Variants in COL22A1 observed in about 807,000 individuals in gnomAD.
COL22A1 encodes collagen type XXII alpha 1 chain, also known as collagen alpha-1(XXII) chain.
COL22A1 carries 221 observed loss-of-function variants against 248.9 expected under a neutral mutation model. That is an observed-to-expected ratio of 0.89 (90% CI 0.80 to 0.99). COL22A1 has a LOEUF of 0.99. Ranked by LOEUF, COL22A1 falls within the 50% of genes least tolerant of loss-of-function variation. The probability of loss-of-function intolerance (pLI) is 0.00; values close to 1 mark genes in which losing one functional copy is unlikely to be tolerated. For missense variants in COL22A1, 2,240 were observed against 2,179.0 expected (o/e 1.03, Z -0.56); for synonymous variants, 891 against 793.4 (o/e 1.12, Z -2.07).
chr8:138,685,435 A>G (rs1475032217), intron 37 of COL22A1, 123 bp from the exon 38 acceptor site: 5 of 751,606 alleles, frequency 6.7e-6, no homozygotes, highest in Admixed American at 5.2e-5. Flanking sequence ...TAGAAGGCCC[A>G]TGCTTTCTGG....
In COL22A1 at chr8:138,654,021, A is replaced by G. The variant is rs1054245007; in HGVS notation, c.3333+1876T>C. Among the ~76,000 whole-genome samples the G allele has an allele frequency of 2.0e-5, 3 of 152,214 alleles. No homozygotes were observed. The East Asian group carries it at 5.8e-4, about 29-fold the overall frequency. On this transcript the variant is annotated intron_variant, in intron 45 of 64. Coordinates refer to ENST00000303045, the MANE Select transcript of COL22A1 (RefSeq NM_152888.3). Reference sequence around the variant, plus strand: ...CAGCTGCTCTGATGAGCACAGCTGTATCCTTTCATAGTGAGGAAATATTGA... The same window carrying G: ...CAGCTGCTCTGATGAGCACAGCTGTGTCCTTTCATAGTGAGGAAATATTGA...
At chr8:138,631,981 A>G (rs1316055213) in intron 49 of COL22A1, among the ~76,000 whole-genome samples, 4 of 152,244 alleles carry the variant, frequency 2.6e-5, no homozygotes, top group Non-Finnish European at 5.9e-5. Flanking sequence ...ATTCTTGAAT[A>G]AATGAATGAA....
chr8:138,606,460 G>T lies in COL22A1; in HGVS notation c.4033-8C>A, dbSNP rs1387851677. ...TTTGCTTCCTTTCTGGCCCTGCAAA[G>T]AGAAAACTGAGAATTAATTCCTCAA... On this transcript the variant is annotated splice_polypyrimidine_tract_variant and splice_region_variant and intron_variant, in intron 57 of 64. Transcript: ENST00000303045. 1 of 1,612,678 alleles carries T rather than the reference G, an allele frequency of 6.2e-7. No homozygotes were observed. The highest frequency in any genetic ancestry group is 8.5e-7 in the Non-Finnish European group (1 of 1,179,496).
At chr8:138,690,924 G>A in intron 35 of COL22A1, 50 bp from the exon 36 acceptor site, 1 of 1,481,196 alleles carries the variant, frequency 6.8e-7, no homozygotes, top group Non-Finnish European at 9.3e-7. Context: ...ATTAGAAGTA[G>A]TTGCCCCCAC....
Position 138,655,958 on chromosome 8 carries a change from A to T in COL22A1, c.3286-14T>A, listed in dbSNP as rs766433832. On this transcript the variant is annotated splice_polypyrimidine_tract_variant and intron_variant, in intron 44 of 64. Transcript: ENST00000303045. ...TGAAGAGAGGCCCTGTCAAAATAAA[A>T]AGAAACAAACACATACGTACATGCA... 6.2e-7 allele frequency: 1 copy of T among 1,606,694 alleles called. No individual in the cohort carries two copies. Among genetic ancestry groups the T allele is most frequent in the East Asian group, 2.2e-5 (1 of 44,854 alleles).
chr8:138,806,341 T>C (rs1432410350), intron 10 of COL22A1, among the ~76,000 whole-genome samples: 2 of 151,734 alleles, frequency 1.3e-5, no homozygotes, highest in Non-Finnish European at 2.9e-5. Flanking sequence ...TGATGGTTTG[T>C]GTGTGTGTCC....
chr8:138,623,345 G>A lies in COL22A1; in HGVS notation c.3771+387C>T, dbSNP rs1819980500. Among the ~76,000 whole-genome samples, 2 of 150,312 alleles carry A rather than the reference G, an allele frequency of 1.3e-5. 1 individual carries two copies. Among genetic ancestry groups the A allele is most frequent in the South Asian group, 4.2e-4 (2 of 4,744 alleles). On this transcript the variant is annotated intron_variant, in intron 52 of 64. Coordinates refer to ENST00000303045, the MANE Select transcript of COL22A1 (RefSeq NM_152888.3). ...GCAGGTGCCACTCAGATTTTACTAG[G>A]TATCCTGATCTCTCCAGATATCAGA...
intron 31 of COL22A1, among the ~76,000 whole-genome samples, chr8:138,701,945 T>A (rs1380138196): frequency 1.3e-5 from 2 of 152,262 alleles, no homozygotes; most frequent in African/African-American, 4.8e-5. Context: ...TAGAATTCCA[T>A]GATACAGATA....
intron 3 of COL22A1, among the ~76,000 whole-genome samples, chr8:138,861,382 C>G (rs186790035): frequency 5.9e-5 from 9 of 152,322 alleles, no homozygotes; most frequent in African/African-American, 2.2e-4. Context: ...TTTAACCAGT[C>G]AGAAACACAA....
At chr8:138,668,541 G>A (rs776913948) in intron 41 of COL22A1, among the ~76,000 whole-genome samples, 20 of 152,180 alleles carry the variant, frequency 1.3e-4, no homozygotes, top group Admixed American at 6.5e-5. Context: ...TTAGATATGT[G>A]AAACACATTC....
intron 3 of COL22A1, among the ~76,000 whole-genome samples, chr8:138,846,319 G>T (rs574345559): frequency 6.6e-6 from 1 of 152,278 alleles, no homozygotes; most frequent in African/African-American, 2.4e-5. Flanking sequence ...ATCTATCTTT[G>T]ATGATGAGCA....
intron 45 of COL22A1, among the ~76,000 whole-genome samples, chr8:138,650,377 G>A (rs1822597796): frequency 6.6e-6 from 1 of 152,110 alleles, no homozygotes; most frequent in Non-Finnish European, 1.5e-5. Context: ...CCTGGAATTG[G>A]GCTTTGTTCT....
intron 34 of COL22A1, 81 bp downstream of exon 34, chr8:138,694,427 G>A: frequency 7.2e-7 from 1 of 1,391,314 alleles, no homozygotes; most frequent in South Asian, 1.2e-5. Flanking sequence ...GGAGAGAACT[G>A]GGGAGGGTGG....
chr8:138,815,563 C>T (rs1403424164), intron 7 of COL22A1, among the ~76,000 whole-genome samples: 1 of 152,166 alleles, frequency 6.6e-6, no homozygotes, highest in Admixed American at 6.5e-5. Context: ...CACACACAGG[C>T]CCTCCCTGTC....
intron 32 of COL22A1, among the ~76,000 whole-genome samples, chr8:138,695,747 C>T (rs558230947): frequency 6.6e-6 from 1 of 152,148 alleles, no homozygotes; most frequent in Non-Finnish European, 1.5e-5. Flanking sequence ...ACACATCTCC[C>T]AGGAGGGTTG....
At chr8:138,618,647 A>T (rs1467481859) in intron 53 of COL22A1, among the ~76,000 whole-genome samples, 5 of 152,198 alleles carry the variant, frequency 3.3e-5, no homozygotes, top group Admixed American at 3.3e-4. Flanking sequence ...ACGAGCCAGG[A>T]GGTTGATTTT....
chr8:138,613,685 G>A lies in COL22A1; in HGVS notation c.3978+182C>T, dbSNP rs563925210. Among the ~76,000 whole-genome samples, 3 of 150,958 alleles carry A rather than the reference G, an allele frequency of 2.0e-5. No homozygotes were observed. The East Asian group carries it at 5.9e-4, about 30-fold the overall frequency. ...TGTTGTGGGGGATGGTCCCAGAAAA[G>A]AATCTGAGTGTTGGGGGAGGTGACT... On this transcript the variant is annotated intron_variant, in intron 56 of 64. Coordinates refer to ENST00000303045, the MANE Select transcript of COL22A1 (RefSeq NM_152888.3).
rs373562252 is a variant in COL22A1, at chr8:138,775,935, G to A, written c.1803+31C>T. ...CCCTCTCCCTTTTCTATGGAAAGCC[G>A]TATTGATGAATGAGTGCAGACTATA... On this transcript the variant is annotated intron_variant, in intron 16 of 64. Coordinates refer to ENST00000303045, the MANE Select transcript of COL22A1 (RefSeq NM_152888.3). 35 of 1,607,162 alleles carry A rather than the reference G, an allele frequency of 2.2e-5. 1 individual carries two copies. In the Middle Eastern group the frequency reaches 4.9e-4, roughly 23 times the overall value.
At chr8:138,874,711 C>A (rs901764477) in intron 3 of COL22A1, among the ~76,000 whole-genome samples, 1 of 152,214 alleles carries the variant, frequency 6.6e-6, no homozygotes, top group African/African-American at 2.4e-5. Flanking sequence ...AGGAGGCCAG[C>A]CACTGTGACT....
Sources: gnomAD v4.1 joint callset for allele counts (sites outside exome capture counted in the v4.1 genomes callset) on GRCh38, gnomAD v4.1.1 for gene constraint, MANE v1.5 for transcripts, NCBI Gene and HGNC (gene_info 2026-07-23, HGNC 2026-07-21) for gene names.